INVS: variants seen among roughly 807,000 people sequenced by gnomAD.
INVS encodes the protein inversion of embryo turning homolog.
INVS carries 86 observed loss-of-function variants against 108.8 expected under a neutral mutation model. The observed-to-expected ratio is 0.79, with a 90% CI of 0.66 to 0.95. INVS has a LOEUF of 0.95. INVS is among the 40% of genes least tolerant of loss of function. The pLI is 0.00. For synonymous variants in INVS, 455 were observed against 473.5 expected (o/e 0.96, Z 0.51); for missense variants, 1,169 against 1,297.4 (o/e 0.90, Z 1.52).
chr9:100,197,884 G>T (rs764650703), intron 3 of INVS, among the ~76,000 whole-genome samples: 9 of 152,140 alleles, frequency 5.9e-5, no homozygotes, highest in African/African-American at 9.7e-5. Flanking sequence ...GTTTCTAAGG[G>T]CCTGCCTTGG....
chr9:100,106,972 G>C (rs1261247624), intron 2 of INVS, among the ~76,000 whole-genome samples: 2 of 151,992 alleles, frequency 1.3e-5, no homozygotes, highest in Non-Finnish European at 2.9e-5. Flanking sequence ...AGAATGAATG[G>C]GGGGCAAATA....
chr9:100,185,243 G>C (rs1013029465), intron 3 of INVS, among the ~76,000 whole-genome samples: 2 of 151,654 alleles, frequency 1.3e-5, no homozygotes, highest in African/African-American at 4.8e-5. Context: ...GAGTTAAAAT[G>C]TGCATACAAG....
At chr9:100,116,633 AAC>A (rs1470345151) in intron 2 of INVS, 1 of 328,104 alleles carries the variant, frequency 3.0e-6, no homozygotes, top group Non-Finnish European at 5.4e-6. Flanking sequence ...ATCTCTGCCT[AAC>A]ACAAAATCAG....
intron 3 of INVS, among the ~76,000 whole-genome samples, chr9:100,146,687 A>G (rs1828628055): frequency 6.6e-6 from 1 of 152,232 alleles, no homozygotes; most frequent in African/African-American, 2.4e-5. Context: ...TCTAGAGTTT[A>G]AAAGACAGTT....
At position 100,176,705 on chromosome 9, in the gene INVS, T is replaced by C. The variant is rs531215193; in HGVS notation, c.274-49357T>C. ...GTTGGCCAGACTGGTCTTGAACTCC[T>C]GACCTTGTGATCCGCCCGCCTCAGC... On this transcript the variant is annotated intron_variant, in intron 3 of 16. Coordinates refer to ENST00000262457, the MANE Select transcript of INVS (RefSeq NM_014425.5). Among the ~76,000 whole-genome samples the C allele has an allele frequency of 1.1e-4, 17 of 152,176 alleles. No individual in the cohort carries two copies. In the East Asian group the frequency reaches 3.3e-3, roughly 29 times the overall value.
At chr9:100,137,260 G>T (rs1163035894) in intron 3 of INVS, among the ~76,000 whole-genome samples, 2 of 152,146 alleles carry the variant, frequency 1.3e-5, no homozygotes, top group African/African-American at 4.8e-5. Flanking sequence ...TGTCCCTAAA[G>T]CAGGGGAGAC....
chr9:100,100,642 ATATG>A (rs1826823277), intron 1 of INVS, among the ~76,000 whole-genome samples: 1 of 67,842 alleles, frequency 1.5e-5, no homozygotes, highest in African/African-American at 8.6e-5. Flanking sequence ...TATATATTAT[ATATG>A]TATATATAAT....
At chr9:100,121,114 G>T (rs1827715611) in intron 2 of INVS, among the ~76,000 whole-genome samples, 1 of 152,192 alleles carries the variant, frequency 6.6e-6, no homozygotes, top group East Asian at 1.9e-4. Flanking sequence ...TCCAAGGCCA[G>T]CAGGAAAGTG....
Position 100,124,640 on chromosome 9 carries a change from A to G in INVS, c.107-1743A>G, listed in dbSNP as rs75527666. On this transcript the variant is annotated intron_variant, in intron 2 of 16. Transcript: ENST00000262457. ...TCTCTTTTTTCATTCCTGATGTTCT[A>G]TTTGTTTCATGAGTGTTCATAGTTG... Among the ~76,000 whole-genome samples the G allele has an allele frequency of 2.3e-3, 341 of 149,450 alleles. 2 individuals carry two copies. The highest frequency in any genetic ancestry group is 7.9e-3 in the African/African-American group (322 of 40,638).
chr9:100,194,833 A>T (rs1175880041), intron 3 of INVS, among the ~76,000 whole-genome samples: 2 of 152,218 alleles, frequency 1.3e-5, no homozygotes, highest in Non-Finnish European at 2.9e-5. Flanking sequence ...CAGGCCTGGT[A>T]GGAATGAGTG....
intron 10 of INVS, among the ~76,000 whole-genome samples, chr9:100,259,447 A>G (rs1832535706): frequency 6.6e-6 from 1 of 151,906 alleles, no homozygotes; most frequent in Admixed American, 6.6e-5. Flanking sequence ...CCCCAGTGAG[A>G]TGAACCCGGT....
chr9:100,100,749 C>T (rs191092583), intron 1 of INVS, among the ~76,000 whole-genome samples: 1,402 of 8,640 alleles, frequency 0.16, 430 homozygotes, highest in Middle Eastern at 0.6. Flanking sequence ...ATTATATGTA[C>T]ATATAATATA....
chr9:100,178,553 A>G (rs555352587), intron 3 of INVS, among the ~76,000 whole-genome samples: 11 of 152,350 alleles, frequency 7.2e-5, no homozygotes, highest in African/African-American at 2.6e-4. Flanking sequence ...ACTGAAGATC[A>G]ACTTAATGAA....
chr9:100,167,563 C>G (rs1829405978), intron 3 of INVS, among the ~76,000 whole-genome samples: 1 of 152,206 alleles, frequency 6.6e-6, no homozygotes, highest in South Asian at 2.1e-4. Context: ...ACCCACCTCA[C>G]CTCACACATT....
intron 10 of INVS, among the ~76,000 whole-genome samples, chr9:100,258,151 T>G (rs1832485222): frequency 6.6e-6 from 1 of 152,210 alleles, no homozygotes; most frequent in Non-Finnish European, 1.5e-5. Context: ...ATTTCCTTCA[T>G]TTGATCTTCA....
In INVS at chr9:100,226,083, C is replaced by T; in HGVS notation, c.295C>T (p.Leu99Phe). ...TTAGGGAAATTATCGTTTCATGAAA[C>T]TCTTACTTACACGCAGAGCAAACTG... ...AQKGNYRFMK[L>F]LLTRRANWMQ... Residue 99 changes from leucine (L) to phenylalanine (F), a missense_variant, in exon 4 of 17, where the codon CTC becomes TTC. Physicochemically the swap from Leu to Phe is conservative, Grantham distance 22. This residue lies in a region of INVS where 365 missense variants were observed against 397.5 expected (regional missense o/e 0.92). Transcript: ENST00000262457. The T allele has an allele frequency of 1.9e-6, 3 of 1,613,094 alleles. No individual in the cohort carries two copies. The highest frequency in any genetic ancestry group is 2.5e-6 in the Non-Finnish European group (3 of 1,179,530).
At chr9:100,132,899 A>T (rs1828094824) in intron 3 of INVS, among the ~76,000 whole-genome samples, 1 of 152,046 alleles carries the variant, frequency 6.6e-6, no homozygotes, top group Non-Finnish European at 1.5e-5. Flanking sequence ...GAGGTCAGGA[A>T]TTTGAGACCA....
intron 3 of INVS, among the ~76,000 whole-genome samples, chr9:100,139,830 CA>C (rs1828364643): frequency 6.6e-6 from 1 of 152,130 alleles, no homozygotes; most frequent in African/African-American, 2.4e-5. Context: ...TTTATAGAGA[CA>C]GGGGTTTCGC....
intron 11 of INVS, among the ~76,000 whole-genome samples, chr9:100,270,638 C>T (rs1357906330): frequency 6.6e-6 from 1 of 151,138 alleles, no homozygotes; most frequent in African/African-American, 2.4e-5. Flanking sequence ...ATCCCAGCTA[C>T]TCGGGAGGCT....
Sources: gnomAD v4.1 joint callset for allele counts (sites outside exome capture counted in the v4.1 genomes callset) on GRCh38, gnomAD v4.1.1 for gene constraint, gnomAD v4.1.1 regional missense constraint, MANE v1.5 for transcripts, NCBI Gene and HGNC (gene_info 2026-07-23, HGNC 2026-07-21) for gene names.